SATL1: variants seen among roughly 807,000 people sequenced by gnomAD.
The protein encoded by SATL1 is spermidine/spermine N1-acetyl transferase like 1.
In SATL1, 47 loss-of-function variants were observed where a neutral mutation model predicts 51.8. The ratio of observed to expected loss-of-function variants is 0.91; its 90% CI spans 0.72 to 1.16. SATL1 has a LOEUF of 1.16. Among genes scored for constraint, SATL1 ranks in the 50% most tolerant of loss-of-function variants. The probability of loss-of-function intolerance (pLI) is 0.00; values close to 1 mark genes in which losing one functional copy is unlikely to be tolerated. For missense variants in SATL1, 520 were observed against 526.4 expected (o/e 0.99, Z 0.12); for synonymous variants, 176 against 182.4 (o/e 0.97, Z 0.28).
At chrX:85,167,573 C>T (rs1402605914) in intron 2 of SATL1, among the ~76,000 whole-genome samples, 1 of 110,500 alleles carries the variant, frequency 9.0e-6, no homozygotes, top group Non-Finnish European at 1.9e-5. Context: ...TACATCCTCC[C>T]AAGACTGAAC....
intron 2 of SATL1, among the ~76,000 whole-genome samples, chrX:85,172,411 A>AAT (rs770985260): frequency 4.5e-4 from 50 of 111,567 alleles, no homozygotes; most frequent in African/African-American, 1.6e-3. Flanking sequence ...TTATACATGA[A>AAT]ATATTCATAC....
rs371086791 is a variant in SATL1, at chrX:85,211,938, T to A, written c.-313+12267A>T. The A allele has an allele frequency of 1.3e-4, 15 of 111,894 alleles. No homozygotes were observed. In the East Asian group the frequency reaches 3.6e-3, roughly 27 times the overall value. 9.2% of individuals were successfully genotyped at this position (111,894 alleles called of 1,213,427 possible). A position where few individuals can be genotyped will look rare whatever the true frequency, so the allele number is the denominator to read the frequency against. On this transcript the variant is annotated intron_variant, in intron 2 of 7. Coordinates refer to ENST00000644105, the MANE Select transcript of SATL1 (RefSeq NM_001367857.2). The stretch of plus-strand genomic sequence containing the variant: ...AATGTAGAATTAATGTGAGCTATTA[T>A]ATATTATATTTCAAACTTCCCTAAA...
chrX:85,119,765 A>G (rs1234134731), intron 2 of SATL1, among the ~76,000 whole-genome samples: 1 of 111,227 alleles, frequency 9.0e-6, no homozygotes, highest in Non-Finnish European at 1.9e-5. Context: ...CTCCTCAAAT[A>G]CTTTAAGGAG....
At chrX:85,176,249 G>A (rs1297203419) in intron 2 of SATL1, among the ~76,000 whole-genome samples, 5 of 111,734 alleles carry the variant, frequency 4.5e-5, no homozygotes, top group Admixed American at 9.6e-5. Flanking sequence ...ATATGAAAGC[G>A]TGATAATATA....
intron 4 of SATL1, 148 bp downstream of exon 4, chrX:85,103,716 G>A (rs1186232071): frequency 5.6e-6 from 2 of 357,399 alleles, no homozygotes; most frequent in East Asian, 5.2e-5. Flanking sequence ...AAATAAAATA[G>A]TGGAGCACTG....
At chrX:85,162,002 A>G (rs922253775) in intron 2 of SATL1, among the ~76,000 whole-genome samples, 2 of 111,984 alleles carry the variant, frequency 1.8e-5, no homozygotes, top group African/African-American at 6.5e-5. Context: ...AATCGAGACT[A>G]AGAAAAATCA....
chrX:85,221,048 C>T (rs1047679288), intron 2 of SATL1, among the ~76,000 whole-genome samples: 10 of 111,276 alleles, frequency 9.0e-5, no homozygotes, highest in Admixed American at 3.8e-4. Flanking sequence ...AGTACAGCTA[C>T]GGTAATATTT....
chrX:85,128,986 G>A (rs374593553), intron 2 of SATL1, among the ~76,000 whole-genome samples: 9 of 111,584 alleles, frequency 8.1e-5, no homozygotes, highest in East Asian at 2.8e-4. Context: ...TGAGGGCTCT[G>A]TTCTGTTCCA....
At chrX:85,106,815 A>T (rs1159423070) in intron 3 of SATL1, among the ~76,000 whole-genome samples, 1 of 112,002 alleles carries the variant, frequency 8.9e-6, no homozygotes, top group Non-Finnish European at 1.9e-5. Context: ...AATGTATGGA[A>T]AATTTGTTGC....
At chrX:85,214,748 G>T (rs779411228) in intron 2 of SATL1, among the ~76,000 whole-genome samples, 1 of 111,619 alleles carries the variant, frequency 9.0e-6, no homozygotes, top group South Asian at 3.7e-4. Flanking sequence ...CCAAAAGGGA[G>T]AAATTAGCCA....
At chrX:85,188,567 G>A (rs1016939354) in intron 2 of SATL1, among the ~76,000 whole-genome samples, 2 of 111,044 alleles carry the variant, frequency 1.8e-5, no homozygotes. Flanking sequence ...GATCACTTGA[G>A]CCCAGGTGTC....
chrX:85,129,809 G>C (rs979231427), intron 2 of SATL1, among the ~76,000 whole-genome samples: 10 of 111,338 alleles, frequency 9.0e-5, no homozygotes, highest in Admixed American at 1.9e-4. Flanking sequence ...TTATTATTTT[G>C]AGATGCGTTC....
chrX:85,168,452 C>A (rs1451583099), intron 2 of SATL1, among the ~76,000 whole-genome samples: 1 of 111,562 alleles, frequency 9.0e-6, no homozygotes, highest in African/African-American at 3.3e-5. Context: ...AATCAATGTA[C>A]AAAAGTCGTT....
rs904629958 is a variant in SATL1 at position 85,142,542 on chromosome X, T to C, written c.-312-33262A>G. The C allele has an allele frequency of 1.4e-4, 16 of 111,080 alleles. No individual in the cohort carries two copies. The Admixed American group carries it at 1.4e-3, about 10-fold the overall frequency. The allele number at this position is 111,080 out of a possible 1,213,427, so 9.2% of individuals were successfully genotyped here. A position where few individuals can be genotyped will look rare whatever the true frequency, so the allele number is the denominator to read the frequency against. ...AAGCTCTCATGAAACTGCAATTTTA[T>C]TAGTGGCAAGAAAGGAAGAATGGTG... On this transcript the variant is annotated intron_variant, in intron 2 of 7. Transcript: ENST00000644105.
At chrX:85,242,656 C>T (rs1401811184) in intron 1 of SATL1, among the ~76,000 whole-genome samples, 1 of 112,239 alleles carries the variant, frequency 8.9e-6, no homozygotes, top group Non-Finnish European at 1.9e-5. Flanking sequence ...ACACACATCA[C>T]ATGCGCGCAC....
intron 7 of SATL1, 32 bp from the exon 8 acceptor site, chrX:85,092,593 T>C (rs1924557714): frequency 2.6e-6 from 3 of 1,163,907 alleles, no homozygotes; most frequent in Non-Finnish European, 2.3e-6. Context: ...AATATTACTT[T>C]CATTTGAAAG....
chrX:85,111,750 T>C (rs962319328), intron 2 of SATL1, among the ~76,000 whole-genome samples: 4 of 112,221 alleles, frequency 3.6e-5, no homozygotes, highest in Admixed American at 2.8e-4. Flanking sequence ...TTTCTAAAAC[T>C]TCAAAATGTA....
intron 2 of SATL1, among the ~76,000 whole-genome samples, chrX:85,167,009 T>C (rs1468450957): frequency 9.5e-6 from 1 of 105,339 alleles, no homozygotes; most frequent in African/African-American, 3.5e-5. Context: ...TGTGTATATA[T>C]GTGTGGTATA....
intron 2 of SATL1, among the ~76,000 whole-genome samples, chrX:85,154,262 G>C (rs180865056): frequency 9.8e-4 from 109 of 110,770 alleles, no homozygotes; most frequent in African/African-American, 3.0e-3. Context: ...GTGTTGGTTG[G>C]GGGTGGGAGA....
Sources: allele counts gnomAD v4.1 joint callset (sites outside exome capture counted in the v4.1 genomes callset), GRCh38; gene constraint gnomAD v4.1.1; transcripts MANE v1.5; gene names NCBI Gene and HGNC (gene_info 2026-07-23, HGNC 2026-07-21).